Variants in SMIM14 observed in about 807,000 individuals in gnomAD.
The protein encoded by SMIM14 is chromosome 4 open reading frame 34.
Under a neutral mutation model 12.6 loss-of-function variants are expected in SMIM14, and 5 were observed. The ratio of observed to expected loss-of-function variants is 0.40; its 90% confidence interval spans 0.21 to 0.83. The LOEUF (loss-of-function observed/expected upper bound fraction) is 0.83. Ranked by LOEUF, SMIM14 falls within the 40% of genes least tolerant of loss-of-function variation. SMIM14 has a pLI of 0.37. For synonymous variants in SMIM14, 30 were observed against 40.1 expected, an observed-to-expected ratio of 0.75 and a Z score of 0.95; for missense variants, 86 against 119.1, an observed-to-expected ratio of 0.72 and a Z score of 1.29.
intron 4 of SMIM14, among the ~76,000 whole-genome samples, chr4:39,554,172 T>A (rs1560280640): frequency 1.3e-5 from 2 of 152,152 alleles, no homozygotes; most frequent in South Asian, 2.1e-4. Flanking sequence ...GTGGGATAAT[T>A]TGGTATACAA....
intron 2 of SMIM14, among the ~76,000 whole-genome samples, chr4:39,584,807 A>G (rs917293275): frequency 3.3e-5 from 5 of 150,374 alleles, no homozygotes; most frequent in African/African-American, 4.9e-5. Context: ...AAAAAAAAAA[A>G]AAAAGAAAAA....
Position 39,556,420 on chromosome 4 carries a change from A to G in SMIM14, c.267+8T>C, listed in dbSNP as rs1405260810. 6.2e-7 allele frequency: 1 copy of G among 1,606,564 alleles called. No individual in the cohort carries two copies. The highest frequency in any genetic ancestry group is 8.5e-7 in the Non-Finnish European group (1 of 1,177,952). ...ACCCAAAAAGCATTTAAAATCTGCA[A>G]CACTTACATTATGAGGACTGGTTGG... On this transcript the variant is annotated splice_region_variant and intron_variant, in intron 4 of 4. Coordinates refer to ENST00000295958, the MANE Select transcript of SMIM14 (RefSeq NM_174921.3).
intron 3 of SMIM14, among the ~76,000 whole-genome samples, chr4:39,559,450 G>A (rs928532662): frequency 5.9e-5 from 9 of 152,082 alleles, no homozygotes; most frequent in Non-Finnish European, 1.2e-4. Context: ...GATTTCTAGA[G>A]GAAAATGTAG....
chr4:39,576,664 A>G lies in SMIM14; in HGVS notation c.76-4201T>C, dbSNP rs558149464. ...TACCTATGTGTGTGTGTATGTGTAT[A>G]TATATATATATATATATATATTTTT... On this transcript the variant is annotated intron_variant, in intron 2 of 4. Coordinates refer to ENST00000295958, the MANE Select transcript of SMIM14 (RefSeq NM_174921.3). Among the ~76,000 whole-genome samples, 213 of 14,204 alleles carry G rather than the reference A, an allele frequency of 0.015. 13 individuals are homozygous for G. The East Asian group carries it at 0.17, about 12-fold the overall frequency. 9.3% of individuals were successfully genotyped at this position (14,204 alleles called of 152,430 possible).
At chr4:39,590,988 A>G (rs1190242519) in intron 2 of SMIM14, among the ~76,000 whole-genome samples, 1 of 152,106 alleles carries the variant, frequency 6.6e-6, no homozygotes, top group African/African-American at 2.4e-5. Context: ...ATTAAAGTAC[A>G]GTTGTCCCTT....
intron 2 of SMIM14, among the ~76,000 whole-genome samples, chr4:39,592,268 T>TC (rs577025891): frequency 1.3e-5 from 1 of 75,966 alleles, no homozygotes; most frequent in Non-Finnish European, 2.6e-5. Context: ...CATTTGCCTC[T>TC]TTTTTTTTTT....
chr4:39,576,666 A>ATG (rs1560289659), intron 2 of SMIM14, among the ~76,000 whole-genome samples: 1 of 16,820 alleles, frequency 5.9e-5, no homozygotes, highest in African/African-American at 2.6e-4. Context: ...ATGTGTATAT[A>ATG]TATATATATA....
rs963583972 is a variant in SMIM14, at chr4:39,548,562, T to A, written c.*3564A>T. 1 of 152,172 alleles carries A rather than the reference T, an allele frequency of 6.6e-6. No individual in the cohort carries two copies. The highest frequency in any genetic ancestry group is 1.9e-4 in the East Asian group (1 of 5,200). 9.4% of individuals were successfully genotyped at this position (152,172 alleles called of 1,614,324 possible). On this transcript the variant is annotated 3_prime_UTR_variant, in exon 5 of 5. Coordinates refer to ENST00000295958, the MANE Select transcript of SMIM14 (RefSeq NM_174921.3). ...AGCCAAAACTGTGAAAATGTAAGCT[T>A]TATCTTTCTTTTTTCCTAGATTATT...
intron 1 of SMIM14, among the ~76,000 whole-genome samples, chr4:39,637,862 A>C (rs1474970453): frequency 1.3e-5 from 2 of 152,210 alleles, no homozygotes; most frequent in Non-Finnish European, 2.9e-5. Flanking sequence ...TTCTGACAAT[A>C]ACACACACAA....
At chr4:39,571,414 C>G (rs573981472) in intron 3 of SMIM14, among the ~76,000 whole-genome samples, 1 of 151,956 alleles carries the variant, frequency 6.6e-6, no homozygotes, top group Non-Finnish European at 1.5e-5. Flanking sequence ...CGTGACTCTA[C>G]AAAAAATTCT....
intron 2 of SMIM14, chr4:39,594,361 T>G (rs541705037): frequency 6.0e-4 from 92 of 152,328 alleles, no homozygotes; most frequent in African/African-American, 2.2e-3. Flanking sequence ...TGTAGAAAGC[T>G]GAAACTGGAT....
chr4:39,632,478 CAAAAA>C (rs71192888), intron 1 of SMIM14, among the ~76,000 whole-genome samples: 5 of 88,748 alleles, frequency 5.6e-5, no homozygotes, highest in Admixed American at 1.3e-4. Flanking sequence ...GACTCCGTCT[CAAAAA>C]AAAAAAAAAA....
At chr4:39,576,654 G>A (rs1226508601) in intron 2 of SMIM14, among the ~76,000 whole-genome samples, 1 of 21,996 alleles carries the variant, frequency 4.5e-5, no homozygotes, top group African/African-American at 1.3e-4. Flanking sequence ...ATGTGTGTGT[G>A]TATGTGTATA....
chr4:39,625,916 G>C (rs1199372822), intron 1 of SMIM14, among the ~76,000 whole-genome samples: 2 of 152,250 alleles, frequency 1.3e-5, no homozygotes, highest in Non-Finnish European at 2.9e-5. Context: ...CCACTGTATA[G>C]ATCAGGTATA....
intron 1 of SMIM14, among the ~76,000 whole-genome samples, chr4:39,611,464 CTA>C (rs1715028320): frequency 6.7e-6 from 1 of 149,686 alleles, no homozygotes; most frequent in Non-Finnish European, 1.5e-5. Flanking sequence ...CAAGATAGCA[CTA>C]ATTCACTCCA....
chr4:39,571,994 G>A (rs1338127910), intron 3 of SMIM14, among the ~76,000 whole-genome samples: 1 of 151,890 alleles, frequency 6.6e-6, no homozygotes, highest in African/African-American at 2.4e-5. Flanking sequence ...TGTAGAGACA[G>A]GGTTTCCCCG....
intron 1 of SMIM14, among the ~76,000 whole-genome samples, chr4:39,633,288 TG>T (rs1253315694): frequency 6.6e-6 from 1 of 151,952 alleles, no homozygotes; most frequent in Admixed American, 6.6e-5. Flanking sequence ...AGTGAGACTC[TG>T]TTTCAAAAAA....
chr4:39,557,506 C>T (rs1712078073), intron 3 of SMIM14, among the ~76,000 whole-genome samples: 1 of 152,074 alleles, frequency 6.6e-6, no homozygotes, highest in Admixed American at 6.5e-5. Context: ...TGAGGTCTTG[C>T]AAGGCAAGCC....
chr4:39,611,551 G>C (rs1176391621), intron 1 of SMIM14, among the ~76,000 whole-genome samples: 1 of 151,418 alleles, frequency 6.6e-6, no homozygotes, highest in Non-Finnish European at 1.5e-5. Flanking sequence ...GTATGCACCT[G>C]TAATCCTAGC....
Sources: gnomAD v4.1 joint callset for allele counts (sites outside exome capture counted in the v4.1 genomes callset) on GRCh38, gnomAD v4.1.1 for gene constraint, MANE v1.5 for transcripts, NCBI Gene and HGNC (gene_info 2026-07-23, HGNC 2026-07-21) for gene names.